The following GTF3C3 variants were observed in gnomAD, a reference collection of about 807,000 sequenced individuals.
The protein encoded by GTF3C3 is general transcription factor IIIC subunit 3, also known as general transcription factor 3C polypeptide 3.
GTF3C3 carries 75 observed loss-of-function variants against 105.2 expected under a neutral mutation model. The observed-to-expected ratio is 0.71, with a 90% confidence interval of 0.59 to 0.86. GTF3C3 has a LOEUF of 0.86. Ranked by LOEUF, GTF3C3 falls within the 40% of genes least tolerant of loss-of-function variation. The pLI is 0.00. For synonymous variants in GTF3C3, 335 were observed against 370.4 expected, an observed-to-expected ratio of 0.90 and a Z score of 1.10; for missense variants, 856 against 1,076.5, an observed-to-expected ratio of 0.80 and a Z score of 2.87.
rs761284725 is a variant in GTF3C3 at position 196,764,684 on chromosome 2, C to A, written c.2540G>T (p.Gly847Val). The change falls in exon 18 of 18, where the codon GGT becomes GTT. Residue 847 changes from glycine (G) to valine (V), a missense_variant and splice_region_variant. This residue lies in a region of GTF3C3 where 134 missense variants were observed against 128.9 expected (regional missense o/e 1.04). Coordinates refer to ENST00000263956, the MANE Select transcript of GTF3C3 (RefSeq NM_012086.5). Reference protein sequence around the residue: ...ALELPPLVVEGIELDQLDLRR... With the variant: ...ALELPPLVVEVIELDQLDLRR... ...TAAGTCTAACTGGTCAAGTTCTATA[C>A]CCTAGGGAGAAAAAGATACCTTTAT... 2 of 1,607,132 alleles carry A rather than the reference C, an allele frequency of 1.2e-6. No homozygotes were observed. The highest frequency in any genetic ancestry group is 2.2e-5 in the South Asian group (2 of 90,360).
intron 4 of GTF3C3, 46 bp from the exon 5 acceptor site, chr2:196,790,116 C>T (rs1386888285): frequency 7.7e-7 from 1 of 1,304,946 alleles, no homozygotes; most frequent in African/African-American, 1.5e-5. Context: ...AGAGAAGAGG[C>T]TTGAGTTGAT....
chr2:196,788,541 C>A lies in GTF3C3; in HGVS notation c.893+663G>T, dbSNP rs958236161. On this transcript the variant is annotated intron_variant, in intron 6 of 17. Transcript: ENST00000263956. The stretch of plus-strand genomic sequence containing the variant: ...GGCTCAAGATAAAATAATAGAAGAT[C>A]CCAAATCATTAACATTTCACTGGCA... Among the ~76,000 whole-genome samples the A allele has an allele frequency of 3.9e-5, 6 of 152,060 alleles. 1 individual carries two copies. Among genetic ancestry groups the A allele is most frequent in the Admixed American group, 3.3e-4 (5 of 15,264 alleles).
chr2:196,781,357 A>AAAAAAAAAAAAAAAAAAAAAT, intron 8 of GTF3C3, among the ~76,000 whole-genome samples: 2 of 18,816 alleles, frequency 1.1e-4, no homozygotes, highest in Admixed American at 1.0e-3. Context: ...AAAAAAAAAA[A>AAAAAAAAAAAAAAAAAAAAAT]ATATATATAT....
In GTF3C3 at chr2:196,793,104, G is replaced by C. The variant is rs1183293044; in HGVS notation, c.263C>G (p.Ser88Cys). 6.2e-7 allele frequency: 1 copy of C among 1,613,712 alleles called. No homozygotes were observed. The highest frequency in any genetic ancestry group is 1.7e-5 in the Admixed American group (1 of 59,990). ...VRKSVHKVFA[S>C]MLGENEDDEE... ...ATCATCTTCATTCTCTCCAAGCATG[G>C]AAGCAAAGACCTTGTGAACTGACTT... Residue 88 changes from serine (S) to cysteine (C), a missense_variant, in exon 3 of 18, where the codon TCC becomes TGC. Ser to Cys is a moderately radical substitution (Grantham distance 112). Coordinates refer to ENST00000263956, the MANE Select transcript of GTF3C3 (RefSeq NM_012086.5).
intron 16 of GTF3C3, 149 bp downstream of exon 16, chr2:196,769,766 C>T: frequency 1.6e-6 from 1 of 612,988 alleles, no homozygotes; most frequent in East Asian, 2.9e-5. Context: ...ATGCTGAGTG[C>T]TGAACACTGG....
Position 196,787,691 on chromosome 2 carries a change from A to G in GTF3C3, c.893+1513T>C, listed in dbSNP as rs145043101. On this transcript the variant is annotated intron_variant, in intron 6 of 17. Coordinates refer to ENST00000263956, the MANE Select transcript of GTF3C3 (RefSeq NM_012086.5). ...TTCCTGCTTTGTTTTTCTTCATATC[A>G]CTTATCAACATCTGATGTACTATAT... 2.7e-3 allele frequency among the ~76,000 whole-genome samples: 411 copies of G among 152,090 alleles called. 1 individual carries two copies. The highest frequency in any genetic ancestry group is 4.8e-3 in the Non-Finnish European group (324 of 67,978).
chr2:196,793,730 C>T (rs1373742359), intron 2 of GTF3C3, among the ~76,000 whole-genome samples: 2 of 152,020 alleles, frequency 1.3e-5, no homozygotes, highest in Admixed American at 6.6e-5. Flanking sequence ...ATATAGTAAA[C>T]GCCTATTAAA....
chr2:196,768,332 T>A (rs1198509799), intron 16 of GTF3C3, among the ~76,000 whole-genome samples: 1 of 152,172 alleles, frequency 6.6e-6, no homozygotes, highest in Admixed American at 6.5e-5. Flanking sequence ...AACACACAGT[T>A]TAAATTGAAA....
chr2:196,764,951 TAAAAA>T (rs915633425), intron 17 of GTF3C3, among the ~76,000 whole-genome samples: 1 of 152,110 alleles, frequency 6.6e-6, no homozygotes, highest in Non-Finnish European at 1.5e-5. Context: ...ATTTTAGAGT[TAAAAA>T]AGAAACCATA....
chr2:196,778,949 G>A lies in GTF3C3; in HGVS notation c.1337C>T (p.Ala446Val). Reference sequence around the variant, plus strand: ...GTTGTATCTTTCAGAGCAAACAAGAGCACTGAGGAGGGGAAGTGCAGAATT... The same window carrying A: ...GTTGTATCTTTCAGAGCAAACAAGAACACTGAGGAGGGGAAGTGCAGAATT... ...EYNSALPLLSALVCSERYNLA... is the reference protein window; with the variant it reads ...EYNSALPLLSVLVCSERYNLA... The change falls in exon 10 of 18, where the codon GCT becomes GTT. Residue 446 changes from alanine to valine, a missense_variant. By Grantham distance (64) the Ala-to-Val change is moderately conservative. Around this residue, in one of 3 missense-constraint regions of GTF3C3, gnomAD observed 605 missense variants for 833.6 expected, o/e 0.73. Transcript: ENST00000263956. The A allele has an allele frequency of 6.2e-7, 1 of 1,614,018 alleles. No homozygotes were observed. The highest frequency in any genetic ancestry group is 8.5e-7 in the Non-Finnish European group (1 of 1,179,944).
At chr2:196,768,537 TAATAG>T (rs899119402) in intron 16 of GTF3C3, among the ~76,000 whole-genome samples, 2 of 152,090 alleles carry the variant, frequency 1.3e-5, no homozygotes, top group African/African-American at 4.8e-5. Flanking sequence ...TTAGGTAGTA[TAATAG>T]AAAACTATAG....
At chr2:196,790,220 T>C (rs914330000) in intron 4 of GTF3C3, 150 bp from the exon 5 acceptor site, 9 of 464,766 alleles carry the variant, frequency 1.9e-5, no homozygotes, top group African/African-American at 1.4e-4. Flanking sequence ...TTAAGGCAAG[T>C]TGAAATAAAT....
At chr2:196,795,469 C>G (rs1699626861) in intron 2 of GTF3C3, among the ~76,000 whole-genome samples, 1 of 152,176 alleles carries the variant, frequency 6.6e-6, no homozygotes, top group African/African-American at 2.4e-5. Context: ...TCATAAGGAT[C>G]ATATTCAAGA....
chr2:196,777,114 A>C (rs1029893295), intron 10 of GTF3C3, among the ~76,000 whole-genome samples: 12 of 152,212 alleles, frequency 7.9e-5, no homozygotes, highest in South Asian at 4.1e-4. Context: ...TCTTAAAATT[A>C]GGATTTTAAT....
rs1472294096 is a variant in GTF3C3, at chr2:196,763,562, G to GAAAC, written c.*997_*1000dup. 3 of 152,264 alleles carry GAAAC rather than the reference G, an allele frequency of 2.0e-5. No individual in the cohort carries two copies. The highest frequency in any genetic ancestry group is 1.9e-4 in the East Asian group (1 of 5,184). 9.4% of individuals were successfully genotyped at this position (152,264 alleles called of 1,614,324 possible). A position where few individuals can be genotyped will look rare whatever the true frequency, so the allele number is the denominator to read the frequency against. On this transcript the variant is annotated 3_prime_UTR_variant, in exon 18 of 18. Transcript: ENST00000263956. ...CAACTAGAAAGTTTTGTGTACAGTA[G>GAAAC]AAACAGTGGTAAGAATTTCTAATAA...
intron 8 of GTF3C3, among the ~76,000 whole-genome samples, chr2:196,782,961 G>A (rs1699391544): frequency 2.0e-5 from 3 of 152,048 alleles, no homozygotes; most frequent in African/African-American, 7.2e-5. Flanking sequence ...TTATTCTCCT[G>A]AACTCCCATT....
At chr2:196,781,357 A>AAAAAAATATATAT in intron 8 of GTF3C3, among the ~76,000 whole-genome samples, 2 of 18,822 alleles carry the variant, frequency 1.1e-4, no homozygotes, top group Non-Finnish European at 1.5e-4. Flanking sequence ...AAAAAAAAAA[A>AAAAAAATATATAT]ATATATATAT....
Position 196,790,083 on chromosome 2 carries a change from A to T in GTF3C3, c.536-13T>A, listed in dbSNP as rs757724130. ...TAAGCCAGAGGAGCTATAACAAATT[A>T]AAAAAATAAATTCCATTGGCTGAGA... On this transcript the variant is annotated splice_polypyrimidine_tract_variant and intron_variant, in intron 4 of 17. Coordinates refer to ENST00000263956, the MANE Select transcript of GTF3C3 (RefSeq NM_012086.5). 15 of 1,559,444 alleles carry T rather than the reference A, an allele frequency of 9.6e-6. No individual in the cohort carries two copies. Among genetic ancestry groups the T allele is most frequent in the Non-Finnish European group, 1.2e-5 (14 of 1,151,102 alleles).
chr2:196,779,119 T>G, intron 9 of GTF3C3, 52 bp from the exon 10 acceptor site: 26 of 1,179,628 alleles, frequency 2.2e-5, no homozygotes, highest in Non-Finnish European at 3.1e-5. Flanking sequence ...AACGTGCACA[T>G]CTATCTATAG....
Sources: allele counts gnomAD v4.1 joint callset (sites outside exome capture counted in the v4.1 genomes callset), GRCh38; gene constraint gnomAD v4.1.1; regional missense constraint gnomAD v4.1.1; transcripts MANE v1.5; gene names NCBI Gene and HGNC (gene_info 2026-07-23, HGNC 2026-07-21).